The following TRPM6 variants were observed in gnomAD, a reference collection of about 807,000 sequenced individuals.
TRPM6 encodes the protein transient receptor potential cation channel subfamily M member 6, also known as channel kinase 2.
A neutral mutation model predicts 247.6 loss-of-function variants in TRPM6; 111 were observed. The observed-to-expected ratio is 0.45, with a 90% CI of 0.38 to 0.52. TRPM6 has a LOEUF of 0.52. Ranked by LOEUF, TRPM6 falls within the 20% of genes least tolerant of loss-of-function variation. TRPM6 has a pLI of 0.00. For synonymous variants in TRPM6, 892 were observed against 853.8 expected (o/e 1.04, Z -0.78); for missense variants, 2,126 against 2,421.5 (o/e 0.88, Z 2.56).
At position 74,762,518 on chromosome 9, in the gene TRPM6, C is replaced by A. The variant is rs201256788; in HGVS notation, c.4153G>T (p.Val1385Phe). 5.1e-5 allele frequency: 83 copies of A among 1,614,050 alleles called. No homozygotes were observed. Among genetic ancestry groups the A allele is most frequent in the Non-Finnish European group, 1.0e-5 (12 of 1,180,040 alleles). Residue 1385 changes from valine (V) to phenylalanine (F), a missense_variant, in exon 26 of 39, where the codon GTT (valine) becomes TTT (phenylalanine). Transcript: ENST00000360774. Reference sequence around the variant, plus strand: ...ACTGGGGTCTGCCCAGTCAGATGAACAAGAACCTCAGTCTGGATGTCCTGT... The same window carrying A: ...ACTGGGGTCTGCCCAGTCAGATGAAAAAGAACCTCAGTCTGGATGTCCTGT... ...TEQDIQTEVL[V>F]HLTGQTPVVS...
intron 36 of TRPM6, among the ~76,000 whole-genome samples, chr9:74,733,810 A>G (rs1009755398): frequency 4.0e-5 from 6 of 151,706 alleles, no homozygotes; most frequent in African/African-American, 7.3e-5. Flanking sequence ...TGCCCACCTC[A>G]GCCTCCCAAA....
chr9:74,803,733 G>A (rs1828427592), intron 15 of TRPM6, 61 bp downstream of exon 15: 1 of 1,167,704 alleles, frequency 8.6e-7, no homozygotes, highest in African/African-American at 1.5e-5. Flanking sequence ...TGTAAATGAA[G>A]AAACAGTCTC....
chr9:74,727,947 A>T lies in TRPM6; in HGVS notation c.5935+292T>A, dbSNP rs514348. Reference sequence around the variant, plus strand: ...GGGGGGTGGGGCGGGGGCAAAGACCAGCCTCGGTCAGATTTCATCCCATTT... The same window carrying T: ...GGGGGGTGGGGCGGGGGCAAAGACCTGCCTCGGTCAGATTTCATCCCATTT... On this transcript the variant is annotated intron_variant, in intron 38 of 38. Transcript: ENST00000360774. 0.66 allele frequency among the ~76,000 whole-genome samples: 99,600 copies of T among 151,962 alleles called. 34,111 individuals carry two copies. The highest frequency in any genetic ancestry group is 0.86 in the African/African-American group (35,745 of 41,484).
At chr9:74,830,271 T>G (rs1210874032) in intron 6 of TRPM6, among the ~76,000 whole-genome samples, 1 of 152,078 alleles carries the variant, frequency 6.6e-6, no homozygotes, top group African/African-American at 2.4e-5. Context: ...GGTATTATTT[T>G]ATACCTTAAC....
At chr9:74,887,207 G>T in intron 1 of TRPM6, 1 of 1,252,126 alleles carries the variant, frequency 8.0e-7, no homozygotes, top group Non-Finnish European at 1.0e-6. Flanking sequence ...GAAGGAAGCG[G>T]ACTGCGGCGG....
intron 17 of TRPM6, 143 bp downstream of exon 17, chr9:74,800,111 C>A (rs377552461): frequency 2.6e-6 from 2 of 755,338 alleles, no homozygotes; most frequent in East Asian, 2.7e-5. Flanking sequence ...TAGCTGCAGT[C>A]CCCTGCTAGA....
intron 18 of TRPM6, among the ~76,000 whole-genome samples, chr9:74,793,267 T>C (rs1827971878): frequency 6.6e-6 from 1 of 152,188 alleles, no homozygotes; most frequent in Admixed American, 6.5e-5. Flanking sequence ...ACATGAGGTA[T>C]TTCTGAAATA....
At chr9:74,792,387 G>C (rs77552457) in intron 19 of TRPM6, among the ~76,000 whole-genome samples, 323 of 152,266 alleles carry the variant, frequency 2.1e-3, no homozygotes, top group African/African-American at 7.5e-3. Flanking sequence ...CTAACTCTTA[G>C]CACTCAAAGA....
chr9:74,878,175 T>C (rs1189085368), intron 1 of TRPM6, among the ~76,000 whole-genome samples: 1 of 152,114 alleles, frequency 6.6e-6, no homozygotes, highest in African/African-American at 2.4e-5. Flanking sequence ...CATGGATCAC[T>C]TGGGAACCAG....
At chr9:74,878,541 T>C (rs1831260391) in intron 1 of TRPM6, among the ~76,000 whole-genome samples, 1 of 152,090 alleles carries the variant, frequency 6.6e-6, no homozygotes, top group South Asian at 2.1e-4. Flanking sequence ...GAAGAAATCA[T>C]AACGAGACTA....
intron 38 of TRPM6, among the ~76,000 whole-genome samples, chr9:74,726,001 C>T (rs1825306811): frequency 6.6e-6 from 1 of 152,142 alleles, no homozygotes; most frequent in African/African-American, 2.4e-5. Context: ...TTTATACTAT[C>T]CTAAACTGCC....
At chr9:74,752,421 A>C in intron 28 of TRPM6, 53 bp from the exon 29 acceptor site, 2 of 1,000,924 alleles carry the variant, frequency 2.0e-6, no homozygotes, top group Non-Finnish European at 3.1e-6. Flanking sequence ...TGTTACATTC[A>C]AATCACAGTT....
intron 1 of TRPM6, among the ~76,000 whole-genome samples, chr9:74,867,101 T>C (rs1012256415): frequency 1.1e-4 from 17 of 152,224 alleles, no homozygotes; most frequent in African/African-American, 4.1e-4. Context: ...CTCAATCCTT[T>C]GCAATAAGTG....
At chr9:74,850,686 C>T (rs932622505) in intron 3 of TRPM6, among the ~76,000 whole-genome samples, 2 of 151,904 alleles carry the variant, frequency 1.3e-5, no homozygotes, top group African/African-American at 4.8e-5. Context: ...CACCATTGCA[C>T]TTCACCCTGG....
rs756625847 is a variant in TRPM6 at position 74,744,164 on chromosome 9, T to C, written c.5084-19A>G. ...GAGATCTCTGAAATTAGAGAGGAGATTGGCATTTTAATTACATGGCTGGAG... is the reference window on the plus strand; with the variant it reads ...GAGATCTCTGAAATTAGAGAGGAGACTGGCATTTTAATTACATGGCTGGAG... On this transcript the variant is annotated intron_variant, in intron 31 of 38. Coordinates refer to ENST00000360774, the MANE Select transcript of TRPM6 (RefSeq NM_017662.5). 26 of 1,612,908 alleles carry C rather than the reference T, an allele frequency of 1.6e-5. No homozygotes were observed. Among genetic ancestry groups the C allele is most frequent in the Non-Finnish European group, 2.0e-5 (24 of 1,179,094 alleles).
chr9:74,873,865 A>AG (rs1168948398), intron 1 of TRPM6, among the ~76,000 whole-genome samples: 1 of 151,950 alleles, frequency 6.6e-6, no homozygotes, highest in African/African-American at 2.4e-5. Context: ...TTTTTTATTC[A>AG]GAAAAAAAAA....
intron 6 of TRPM6, among the ~76,000 whole-genome samples, chr9:74,830,833 G>T (rs1344473982): frequency 1.6e-5 from 2 of 122,656 alleles, no homozygotes; most frequent in African/African-American, 6.4e-5. Flanking sequence ...GTGAGCTCAA[G>T]CAATCCGCCG....
At chr9:74,830,117 CAAATTTTATCTT>C (rs1829491327) in intron 6 of TRPM6, among the ~76,000 whole-genome samples, 1 of 151,786 alleles carries the variant, frequency 6.6e-6, no homozygotes, top group South Asian at 2.1e-4. Flanking sequence ...GGCAACAGAG[CAAATTTTATCTT>C]AAAAAAACAA....
rs1825234677 is a variant in TRPM6 at position 74,724,087 on chromosome 9, C to T, written c.*526G>A. 5.9e-6 allele frequency: 1 copy of T among 169,750 alleles called. No homozygotes were observed. Among genetic ancestry groups the T allele is most frequent in the African/African-American group, 2.4e-5 (1 of 41,518 alleles). The allele number at this position is 169,750 out of a possible 1,614,324, so 10.5% of individuals were successfully genotyped here. A position where few individuals can be genotyped will look rare whatever the true frequency, so the allele number is the denominator to read the frequency against. On this transcript the variant is annotated 3_prime_UTR_variant, in exon 39 of 39. Transcript: ENST00000360774. ...TGTGCTCCAATCTGTGCAAACCCAC[C>T]CTTGTTCCATTGTTTTTCCTATCAT...
Sources: allele counts gnomAD v4.1 joint callset (sites outside exome capture counted in the v4.1 genomes callset), GRCh38; gene constraint gnomAD v4.1.1; transcripts MANE v1.5; gene names NCBI Gene and HGNC (gene_info 2026-07-23, HGNC 2026-07-21).